TNIK: variants seen among roughly 807,000 people sequenced by gnomAD.
TNIK encodes the protein TRAF2 and NCK-interacting protein kinase.
Under a neutral mutation model 191.3 loss-of-function variants are expected in TNIK, and 49 were observed. That is an observed-to-expected ratio of 0.26 (90% CI 0.20 to 0.32). TNIK has a LOEUF of 0.32. Among genes scored for constraint, TNIK ranks in the 10% least tolerant of loss-of-function variants. The pLI, the probability that TNIK is intolerant of heterozygous loss-of-function variation, is 1.00. For missense variants in TNIK, 1,155 were observed against 1,702.3 expected, an observed-to-expected ratio of 0.68 and a Z score of 5.66; for synonymous variants, 594 against 600.9, an observed-to-expected ratio of 0.99 and a Z score of 0.17.
chr3:171,258,164 C>A (rs1241177669), intron 2 of TNIK, among the ~76,000 whole-genome samples: 1 of 152,142 alleles, frequency 6.6e-6, no homozygotes, highest in Non-Finnish European at 1.5e-5. Flanking sequence ...TAAAATATAG[C>A]TGTACCAAGG....
chr3:171,421,351 A>C (rs1723768349), intron 1 of TNIK, among the ~76,000 whole-genome samples: 1 of 152,240 alleles, frequency 6.6e-6, no homozygotes, highest in Non-Finnish European at 1.5e-5. Flanking sequence ...CCATTGTGAT[A>C]AATTCACCCA....
intron 5 of TNIK, among the ~76,000 whole-genome samples, chr3:171,192,205 G>A (rs1266354819): frequency 6.6e-6 from 1 of 152,208 alleles, no homozygotes; most frequent in Non-Finnish European, 1.5e-5. Flanking sequence ...TATCTGTTCA[G>A]TTTGTCACAG....
chr3:171,167,464 T>C (rs1289167000), intron 9 of TNIK, among the ~76,000 whole-genome samples, 194 bp from the exon 10 acceptor site: 1 of 152,172 alleles, frequency 6.6e-6, no homozygotes. Context: ...ATCATCAACG[T>C]GCAATTGAGG....
chr3:171,452,217 GA>G (rs1256107101), intron 1 of TNIK, among the ~76,000 whole-genome samples: 2 of 151,966 alleles, frequency 1.3e-5, no homozygotes, highest in African/African-American at 4.8e-5. Context: ...CTGACAGCTG[GA>G]AAAAAATAGC....
At chr3:171,188,679 G>T (rs1737668392) in intron 7 of TNIK, 23 bp downstream of exon 7, 5 of 1,611,856 alleles carry the variant, frequency 3.1e-6, no homozygotes, top group South Asian at 1.1e-5. Context: ...GCATAGTTTT[G>T]AAACACGACA....
intron 28 of TNIK, among the ~76,000 whole-genome samples, chr3:171,074,807 G>C (rs1483915074): frequency 6.6e-6 from 1 of 152,188 alleles, no homozygotes; most frequent in Non-Finnish European, 1.5e-5. Context: ...GAATTTCATA[G>C]GGGAAGCTAA....
chr3:171,134,993 G>T (rs905067142), intron 15 of TNIK, among the ~76,000 whole-genome samples: 7 of 152,184 alleles, frequency 4.6e-5, no homozygotes, highest in Non-Finnish European at 1.0e-4. Context: ...TGCAGTAGGT[G>T]GAAGAGAGCT....
chr3:171,111,931 G>A (rs2108507427), intron 18 of TNIK, among the ~76,000 whole-genome samples: 1 of 152,296 alleles, frequency 6.6e-6, no homozygotes, highest in African/African-American at 2.4e-5. Context: ...AGAGAGAATG[G>A]GAAGATGTTG....
At chr3:171,276,176 C>G (rs1304025893) in intron 2 of TNIK, among the ~76,000 whole-genome samples, 1 of 151,370 alleles carries the variant, frequency 6.6e-6, no homozygotes, top group Non-Finnish European at 1.5e-5. Context: ...GAAAATAGAA[C>G]AAAACATTTT....
At chr3:171,190,839 C>T (rs1440125028) in intron 5 of TNIK, 52 bp from the exon 6 acceptor site, 2 of 1,374,172 alleles carry the variant, frequency 1.5e-6, no homozygotes, top group African/African-American at 2.9e-5. Context: ...GCCAAGATGC[C>T]AATAAATTAT....
At chr3:171,194,471 T>C (rs2108845352) in intron 5 of TNIK, 54 bp downstream of exon 5, 1 of 1,470,812 alleles carries the variant, frequency 6.8e-7, no homozygotes, top group East Asian at 2.3e-5. Flanking sequence ...TCATAAGATA[T>C]CATGTGTTGC....
rs1717856017 is a variant in TNIK, at chr3:171,061,771, A to C, written c.*2110T>G. 6.6e-6 allele frequency: 1 copy of C among 152,226 alleles called. No homozygotes were observed. The highest frequency in any genetic ancestry group is 2.1e-4 in the South Asian group (1 of 4,830). The allele number at this position is 152,226 out of a possible 1,614,324, so 9.4% of individuals were successfully genotyped here. ...TCAGCATCCAATTACAGTAGTTGTTAAATTCAATCCAAAAAGTTATTGCTG... is the reference window on the plus strand; with the variant it reads ...TCAGCATCCAATTACAGTAGTTGTTCAATTCAATCCAAAAAGTTATTGCTG... On this transcript the variant is annotated 3_prime_UTR_variant, in exon 33 of 33. Coordinates refer to ENST00000436636, the MANE Select transcript of TNIK (RefSeq NM_015028.4).
intron 1 of TNIK, among the ~76,000 whole-genome samples, chr3:171,459,704 G>A (rs200065921): frequency 2.1e-3 from 93 of 44,774 alleles, no homozygotes; most frequent in Middle Eastern, 0.011. Flanking sequence ...ACACACACAC[G>A]CACACACGCC....
intron 2 of TNIK, among the ~76,000 whole-genome samples, chr3:171,350,379 A>G (rs1378138236): frequency 6.6e-6 from 1 of 150,614 alleles, no homozygotes; most frequent in Non-Finnish European, 1.5e-5. Flanking sequence ...AGGTGTTTCT[A>G]GAGCTCTTTA....
chr3:171,423,296 A>C (rs1724066453), intron 1 of TNIK, among the ~76,000 whole-genome samples: 1 of 152,164 alleles, frequency 6.6e-6, no homozygotes, highest in African/African-American at 2.4e-5. Context: ...GACCTCTTCA[A>C]GGAGAACTAC....
At position 171,341,338 on chromosome 3, in the gene TNIK, T is replaced by TGGCACAG. The variant is rs542357110; in HGVS notation, c.123+28275_123+28281dup. Reference sequence around the variant, plus strand: ...AAATACAAAAATTAGCCAGGTCTGGTGGCACAGGCTGTAATCGTAGCTATT... The same window carrying TGGCACAG: ...AAATACAAAAATTAGCCAGGTCTGGTGGCACAGGGCACAGGCTGTAATCGTAGCTATT... On this transcript the variant is annotated intron_variant, in intron 2 of 32. Coordinates refer to ENST00000436636, the MANE Select transcript of TNIK (RefSeq NM_015028.4). Among the ~76,000 whole-genome samples, 116 of 151,816 alleles carry TGGCACAG rather than the reference T, an allele frequency of 7.6e-4. 3 individuals are homozygous for TGGCACAG. In the South Asian group the frequency reaches 0.023, roughly 30 times the overall value.
At chr3:171,396,465 C>T (rs1438480112) in intron 1 of TNIK, among the ~76,000 whole-genome samples, 1 of 152,178 alleles carries the variant, frequency 6.6e-6, no homozygotes, top group African/African-American at 2.4e-5. Context: ...GTTGGGTACA[C>T]AATACGTAGG....
At chr3:171,153,514 C>T (rs114015353) in intron 12 of TNIK, among the ~76,000 whole-genome samples, 3,367 of 152,170 alleles carry the variant, frequency 0.022, 116 homozygotes, top group African/African-American at 0.078. Context: ...TCAAATGTGT[C>T]CACTTTTCTC....
intron 1 of TNIK, among the ~76,000 whole-genome samples, chr3:171,402,503 TCA>T (rs1721078234): frequency 1.3e-5 from 2 of 152,350 alleles, no homozygotes; most frequent in East Asian, 3.9e-4. Context: ...GGAACAGTAC[TCA>T]CAGTTTCCAA....
Sources: allele counts gnomAD v4.1 joint callset (sites outside exome capture counted in the v4.1 genomes callset), GRCh38; gene constraint gnomAD v4.1.1; transcripts MANE v1.5; gene names NCBI Gene and HGNC (gene_info 2026-07-23, HGNC 2026-07-21).